The following SLC39A11 variants were observed in gnomAD, a reference collection of about 807,000 sequenced individuals.
SLC39A11 encodes solute carrier family 39 member 11.
SLC39A11 carries 33 observed loss-of-function variants against 36.1 expected under a neutral mutation model. The ratio of observed to expected loss-of-function variants is 0.91; its 90% CI spans 0.69 to 1.22. SLC39A11 has a LOEUF of 1.22. SLC39A11 is among the 50% of genes most tolerant of loss of function. The probability of loss-of-function intolerance (pLI) is 0.00; values close to 1 mark genes in which losing one functional copy is unlikely to be tolerated. For synonymous variants in SLC39A11, 166 were observed against 170.3 expected (o/e 0.97, Z 0.20); for missense variants, 432 against 430.3 (o/e 1.00, Z -0.03).
intron 2 of SLC39A11, among the ~76,000 whole-genome samples, chr17:73,088,105 G>C (rs1436392909): frequency 6.6e-6 from 1 of 152,074 alleles, no homozygotes; most frequent in Non-Finnish European, 1.5e-5. Flanking sequence ...AGGAGTTTGA[G>C]ACCAGTGGTG....
intron 5 of SLC39A11, among the ~76,000 whole-genome samples, chr17:72,861,667 A>ATATATATATCC (rs2080014419): frequency 9.1e-6 from 1 of 109,764 alleles, no homozygotes; most frequent in Non-Finnish European, 1.9e-5. Flanking sequence ...TTATATATAT[A>ATATATATATCC]TATATATATA....
chr17:73,067,567 C>T (rs1214009099), intron 3 of SLC39A11, among the ~76,000 whole-genome samples: 1 of 152,016 alleles, frequency 6.6e-6, no homozygotes, highest in African/African-American at 2.4e-5. Flanking sequence ...GCAATGAAGA[C>T]GCTTATACAG....
intron 5 of SLC39A11, among the ~76,000 whole-genome samples, chr17:72,882,308 A>T (rs574024706): frequency 4.6e-5 from 7 of 151,304 alleles, no homozygotes; most frequent in Non-Finnish European, 1.0e-4. Flanking sequence ...GTGAGCCAAG[A>T]TCGTGCCACT....
intron 5 of SLC39A11, among the ~76,000 whole-genome samples, chr17:72,861,417 G>A (rs1349255819): frequency 1.3e-5 from 2 of 151,780 alleles, no homozygotes; most frequent in Non-Finnish European, 2.9e-5. Context: ...TTTAAATAGT[G>A]GATGCACTCC....
At chr17:73,069,303 G>A (rs1037442499) in intron 3 of SLC39A11, among the ~76,000 whole-genome samples, 1 of 152,180 alleles carries the variant, frequency 6.6e-6, no homozygotes, top group Non-Finnish European at 1.5e-5. Flanking sequence ...CATAATGACA[G>A]GCAAATGTGA....
intron 4 of SLC39A11, among the ~76,000 whole-genome samples, chr17:73,007,098 G>A (rs968661078): frequency 2.6e-5 from 4 of 152,192 alleles, no homozygotes; most frequent in African/African-American, 4.8e-5. Flanking sequence ...GCAGCACGGC[G>A]CTCAGTCAAG....
chr17:73,036,304 TA>T (rs1356712443), intron 3 of SLC39A11, among the ~76,000 whole-genome samples: 1 of 152,200 alleles, frequency 6.6e-6, no homozygotes, highest in African/African-American at 2.4e-5. Context: ...AATTCTGACA[TA>T]GGCCTACCTG....
chr17:73,046,619 C>T (rs1199107125), intron 3 of SLC39A11, among the ~76,000 whole-genome samples: 6 of 152,134 alleles, frequency 3.9e-5, no homozygotes, highest in Non-Finnish European at 8.8e-5. Flanking sequence ...TCGTCATCTT[C>T]TCTCTCTGTC....
At chr17:72,800,781 T>C (rs1465306208) in intron 6 of SLC39A11, among the ~76,000 whole-genome samples, 3 of 151,928 alleles carry the variant, frequency 2.0e-5, no homozygotes, top group Non-Finnish European at 4.4e-5. Flanking sequence ...AATAGAGAAT[T>C]GAGAGGGAGA....
chr17:72,648,940 C>A lies in SLC39A11; in HGVS notation c.792G>T (p.Met264Ile). The A allele has an allele frequency of 6.2e-7, 1 of 1,613,206 alleles. No homozygotes were observed. The highest frequency in any genetic ancestry group is 8.5e-7 in the Non-Finnish European group (1 of 1,179,570). The change falls in exon 9 of 10, where the codon ATG becomes ATT. Residue 264 changes from methionine (M) to isoleucine (I), a missense_variant. Met to Ile is a conservative substitution (Grantham distance 10). Transcript: ENST00000255559. ...RAFWYGQLSG[M>I]VEPLAGVFGA... ...CAAAGACCCCGGCCAGGGGCTCCAC[C>A]ATGCCGCTCAGCTGCCCATACCTAA...
intron 7 of SLC39A11, among the ~76,000 whole-genome samples, chr17:72,654,070 C>T (rs1285321888): frequency 3.3e-5 from 5 of 152,044 alleles, no homozygotes; most frequent in Middle Eastern, 3.2e-3. Flanking sequence ...GGGGAGTGAG[C>T]GGGTGGCCCT....
chr17:72,692,782 A>G (rs2072096421), intron 7 of SLC39A11, among the ~76,000 whole-genome samples: 1 of 152,170 alleles, frequency 6.6e-6, no homozygotes, highest in South Asian at 2.1e-4. Context: ...TGTCCATGAG[A>G]TACTTGTACA....
chr17:73,000,247 CCTT>C (rs1401836765), intron 4 of SLC39A11, among the ~76,000 whole-genome samples: 2 of 149,406 alleles, frequency 1.3e-5, no homozygotes, highest in Admixed American at 6.7e-5. Context: ...CTCTTCTTCT[CCTT>C]CTCCCTCTCC....
intron 5 of SLC39A11, among the ~76,000 whole-genome samples, chr17:72,912,099 A>T (rs2083041740): frequency 1.3e-5 from 2 of 152,140 alleles, no homozygotes. Flanking sequence ...GCGTGCCAAC[A>T]CCAAGGAAAA....
At chr17:72,757,489 G>T (rs1215903732) in intron 6 of SLC39A11, among the ~76,000 whole-genome samples, 1 of 152,160 alleles carries the variant, frequency 6.6e-6, no homozygotes, top group Non-Finnish European at 1.5e-5. Context: ...ATGGTCCAGG[G>T]GTTGGGGCTG....
chr17:72,938,161 A>G (rs1227280232), intron 5 of SLC39A11, among the ~76,000 whole-genome samples: 1 of 152,242 alleles, frequency 6.6e-6, no homozygotes, highest in South Asian at 2.1e-4. Context: ...GAGGGAAAAT[A>G]CACCAGAGAG....
chr17:72,689,725 G>A (rs1261682832), intron 7 of SLC39A11, among the ~76,000 whole-genome samples: 1 of 152,196 alleles, frequency 6.6e-6, no homozygotes, highest in Non-Finnish European at 1.5e-5. Context: ...CCACTGACAT[G>A]ACATGCCCCA....
chr17:72,911,262 G>C (rs1398109935), intron 5 of SLC39A11, among the ~76,000 whole-genome samples: 1 of 152,018 alleles, frequency 6.6e-6, no homozygotes, highest in Non-Finnish European at 1.5e-5. Flanking sequence ...ACCGGGGCCT[G>C]TTGTGGGGTG....
intron 4 of SLC39A11, among the ~76,000 whole-genome samples, chr17:72,952,657 T>A (rs1198678301): frequency 1.3e-5 from 2 of 152,238 alleles, no homozygotes; most frequent in African/African-American, 2.4e-5. Flanking sequence ...TATTGTTGTT[T>A]ACATTTCTGG....
Sources: allele counts gnomAD v4.1 joint callset (sites outside exome capture counted in the v4.1 genomes callset), GRCh38; gene constraint gnomAD v4.1.1; transcripts MANE v1.5; gene names NCBI Gene and HGNC (gene_info 2026-07-23, HGNC 2026-07-21).